EXOC5: variants seen among roughly 807,000 people sequenced by gnomAD.
EXOC5 encodes the protein exocyst complex component 5, also known as SEC10-like 1.
A neutral mutation model predicts 90.8 loss-of-function variants in EXOC5; 17 were observed. That is an observed-to-expected ratio of 0.19 (90% confidence interval 0.13 to 0.28). The LOEUF is 0.28. Ranked by LOEUF, EXOC5 falls within the 10% of genes least tolerant of loss-of-function variation. EXOC5 has a pLI of 1.00. For synonymous variants in EXOC5, 260 were observed against 270.0 expected, an observed-to-expected ratio of 0.96 and a Z score of 0.36; for missense variants, 569 against 830.6, an observed-to-expected ratio of 0.69 and a Z score of 3.87.
intron 1 of EXOC5, 142 bp from the exon 2 acceptor site, chr14:57,247,854 A>G (rs980243824): frequency 2.7e-5 from 12 of 442,420 alleles, no homozygotes; most frequent in Non-Finnish European, 4.9e-5. Flanking sequence ...ATTAAAATGT[A>G]CAGATTTTTT....
chr14:57,226,977 T>A (rs969106498), intron 12 of EXOC5, among the ~76,000 whole-genome samples: 3 of 152,088 alleles, frequency 2.0e-5, no homozygotes, highest in African/African-American at 4.8e-5. Flanking sequence ...TTAAATTGGA[T>A]GTCATCAAAA....
At chr14:57,266,462 A>G (rs1884671355) in intron 1 of EXOC5, among the ~76,000 whole-genome samples, 2 of 152,316 alleles carry the variant, frequency 1.3e-5, no homozygotes, top group South Asian at 2.1e-4. Context: ...CTTCTTAATT[A>G]TAACTATTGA....
Position 57,268,700 on chromosome 14 carries a change from T to G in EXOC5, c.-52A>C. The G allele has an allele frequency of 1.3e-6, 2 of 1,558,700 alleles. No individual in the cohort carries two copies. The highest frequency in any genetic ancestry group is 1.8e-5 in the Admixed American group (1 of 54,646). On this transcript the variant is annotated 5_prime_UTR_variant, in exon 1 of 18. The change abolishes an upstream ATG in the 5' untranslated region. Coordinates refer to ENST00000621441, the MANE Select transcript of EXOC5 (RefSeq NM_006544.4). ...CACTGGATGCCGTCTCCGCTTCACA[T>G]GCTGCGCCTCAGAGGCGCGGCGCAC...
At chr14:57,252,665 A>G (rs1483483846) in intron 1 of EXOC5, among the ~76,000 whole-genome samples, 1 of 152,196 alleles carries the variant, frequency 6.6e-6, no homozygotes, top group Non-Finnish European at 1.5e-5. Context: ...AGAAAAAGGG[A>G]ACCCTTGCAC....
At chr14:57,236,514 G>A (rs1479775548) in intron 6 of EXOC5, among the ~76,000 whole-genome samples, 1 of 151,846 alleles carries the variant, frequency 6.6e-6, no homozygotes, top group Non-Finnish European at 1.5e-5. Context: ...TCGAACTCCT[G>A]ACCTCAGGTG....
intron 15 of EXOC5, among the ~76,000 whole-genome samples, chr14:57,212,455 C>T (rs1566724520): frequency 6.6e-6 from 1 of 152,344 alleles, no homozygotes; most frequent in East Asian, 1.9e-4. Flanking sequence ...AAGCTTTAGC[C>T]TATTACAGCA....
At chr14:57,252,891 C>T (rs1419879296) in intron 1 of EXOC5, among the ~76,000 whole-genome samples, 1 of 152,140 alleles carries the variant, frequency 6.6e-6, no homozygotes, top group Non-Finnish European at 1.5e-5. Flanking sequence ...TCTAAGTGTC[C>T]ATCAATGGAT....
intron 11 of EXOC5, among the ~76,000 whole-genome samples, chr14:57,230,508 C>T (rs1883452014): frequency 6.6e-6 from 1 of 152,088 alleles, no homozygotes; most frequent in Non-Finnish European, 1.5e-5. Flanking sequence ...TACTACCTTT[C>T]AGGTATTACC....
At chr14:57,220,716 C>T (rs1315665277) in intron 13 of EXOC5, among the ~76,000 whole-genome samples, 9 of 152,088 alleles carry the variant, frequency 5.9e-5, no homozygotes. Context: ...AGGAGTATTG[C>T]TTGAGCCCAG....
At chr14:57,264,425 T>C (rs555609819) in intron 1 of EXOC5, among the ~76,000 whole-genome samples, 1 of 152,308 alleles carries the variant, frequency 6.6e-6, no homozygotes, top group African/African-American at 2.4e-5. Context: ...ATACTCTAAT[T>C]TGGAAGTCAA....
chr14:57,265,717 C>A (rs1020690512), intron 1 of EXOC5, among the ~76,000 whole-genome samples: 2 of 152,134 alleles, frequency 1.3e-5, no homozygotes, highest in Non-Finnish European at 2.9e-5. Context: ...AGAGCAAGAC[C>A]CTGTCTCAAA....
rs1006146102 is a variant in EXOC5 at position 57,201,147 on chromosome 14, A to G, written c.*7462T>C. On this transcript the variant is annotated 3_prime_UTR_variant, in exon 18 of 18. Coordinates refer to ENST00000621441, the MANE Select transcript of EXOC5 (RefSeq NM_006544.4). Reference sequence around the variant, plus strand: ...AAGCACATCTCATGCACAAATCTTGATTTCTAACTGCCAATTTCACTAAAA... The same window carrying G: ...AAGCACATCTCATGCACAAATCTTGGTTTCTAACTGCCAATTTCACTAAAA... 1.3e-5 allele frequency: 2 copies of G among 152,086 alleles called. No individual in the cohort carries two copies. Among genetic ancestry groups the G allele is most frequent in the South Asian group, 4.1e-4 (2 of 4,826 alleles). 9.4% of individuals were successfully genotyped at this position (152,086 alleles called of 1,614,324 possible). A position where few individuals can be genotyped will look rare whatever the true frequency, so the allele number is the denominator to read the frequency against.
chr14:57,213,893 C>A (rs1378935921), intron 15 of EXOC5, among the ~76,000 whole-genome samples: 2 of 151,934 alleles, frequency 1.3e-5, no homozygotes, highest in Non-Finnish European at 2.9e-5. Flanking sequence ...TCACTTGAAC[C>A]CAGGAGGCAT....
At chr14:57,220,799 CAAAAAT>C (rs1463923234) in intron 13 of EXOC5, among the ~76,000 whole-genome samples, 2 of 151,776 alleles carry the variant, frequency 1.3e-5, no homozygotes, top group African/African-American at 4.8e-5. Flanking sequence ...GATTCTGTCT[CAAAAAT>C]AAAAATAAAA....
chr14:57,220,770 G>A (rs10133958), intron 13 of EXOC5, among the ~76,000 whole-genome samples: 36,988 of 151,938 alleles, frequency 0.24, 10,859 homozygotes, highest in African/African-American at 0.71. Flanking sequence ...ACTGCACTCT[G>A]GCCTGGGTGA....
intron 4 of EXOC5, among the ~76,000 whole-genome samples, chr14:57,241,594 A>G (rs1174348961): frequency 6.6e-6 from 1 of 152,202 alleles, no homozygotes; most frequent in Non-Finnish European, 1.5e-5. Flanking sequence ...GTTTATATTG[A>G]ATTTCCATAG....
At chr14:57,208,907 A>G in intron 17 of EXOC5, 110 bp from the exon 18 acceptor site, 1 of 621,780 alleles carries the variant, frequency 1.6e-6, no homozygotes, top group Non-Finnish European at 2.7e-6. Context: ...GTGTGGGTGA[A>G]GTTCAACATA....
chr14:57,226,198 A>C (rs1401972773), intron 12 of EXOC5, among the ~76,000 whole-genome samples: 2 of 152,218 alleles, frequency 1.3e-5, no homozygotes, highest in African/African-American at 4.8e-5. Flanking sequence ...CTTGAGGCCC[A>C]CAAGGAATTC....
intron 1 of EXOC5, among the ~76,000 whole-genome samples, chr14:57,257,647 C>T (rs569237799): frequency 6.6e-6 from 1 of 151,862 alleles, no homozygotes; most frequent in Admixed American, 6.6e-5. Flanking sequence ...AATTGATCCC[C>T]AAGGGATGGA....
Sources: gnomAD v4.1 joint callset for allele counts (sites outside exome capture counted in the v4.1 genomes callset) on GRCh38, gnomAD v4.1.1 for gene constraint, MANE v1.5 for transcripts, NCBI Gene and HGNC (gene_info 2026-07-23, HGNC 2026-07-21) for gene names.